Variants in SLC44A2 observed in about 807,000 individuals in gnomAD.
The protein encoded by SLC44A2 is solute carrier family 44 member 2 (CTL2 blood group).
Under a neutral mutation model 90.8 loss-of-function variants are expected in SLC44A2, and 57 were observed. The observed-to-expected ratio is 0.63, with a 90% CI of 0.51 to 0.78. SLC44A2 has a LOEUF of 0.78. Among genes scored for constraint, SLC44A2 ranks in the 30% least tolerant of loss-of-function variants. The pLI is 0.00. For synonymous variants in SLC44A2, 355 were observed against 360.7 expected (o/e 0.98, Z 0.18); for missense variants, 794 against 919.7 (o/e 0.86, Z 1.77).
chr19:10,618,474 CTTTTTT>C (rs3029799), intron 1 of SLC44A2, among the ~76,000 whole-genome samples: 4,104 of 87,168 alleles, frequency 0.047, 289 homozygotes, highest in East Asian at 0.36. Flanking sequence ...TGCGCCCGGC[CTTTTTT>C]TTTTTTTTTT....
At chr19:10,626,899 A>G (rs1372718020) in intron 2 of SLC44A2, among the ~76,000 whole-genome samples, 2 of 150,152 alleles carry the variant, frequency 1.3e-5, no homozygotes, top group Non-Finnish European at 1.5e-5. Context: ...CTCAGAGGCT[A>G]CTCAGAAGGC....
chr19:10,632,405 G>A (rs928882968), intron 10 of SLC44A2, among the ~76,000 whole-genome samples: 4 of 151,692 alleles, frequency 2.6e-5, no homozygotes, highest in African/African-American at 9.7e-5. Context: ...GCATGGAGGT[G>A]CATGCCTGTA....
At chr19:10,619,099 G>C (rs1293781427) in intron 1 of SLC44A2, among the ~76,000 whole-genome samples, 2 of 150,652 alleles carry the variant, frequency 1.3e-5, no homozygotes, top group African/African-American at 4.9e-5. Flanking sequence ...GGCTTCCCCA[G>C]TAGCTGGGAC....
chr19:10,603,602 G>A (rs1918022387), intron 1 of SLC44A2, among the ~76,000 whole-genome samples: 1 of 152,240 alleles, frequency 6.6e-6, no homozygotes, highest in African/African-American at 2.4e-5. Flanking sequence ...AGACAGATCA[G>A]GGAGGCTGGG....
intron 14 of SLC44A2, 69 bp downstream of exon 14, chr19:10,635,584 T>A (rs1159211893): frequency 2.2e-6 from 3 of 1,381,932 alleles, no homozygotes; most frequent in South Asian, 1.2e-5. Flanking sequence ...AAACCTCTCA[T>A]GTCCACTTGG....
chr19:10,621,438 T>TG (rs1203964688), upstream of SLC44A2, among the ~76,000 whole-genome samples: 27 of 141,280 alleles, frequency 1.9e-4, no homozygotes, highest in Admixed American at 6.2e-4. Context: ...TTTTTTTTTT[T>TG]TTTGGTTTTT....
chr19:10,619,662 A>G (rs2066882892), intron 1 of SLC44A2, among the ~76,000 whole-genome samples: 2 of 151,774 alleles, frequency 1.3e-5, no homozygotes, highest in African/African-American at 2.4e-5. Flanking sequence ...GTATAAAATT[A>G]GCAAATCTCC....
chr19:10,614,970 C>CAA (rs74464361), intron 1 of SLC44A2, among the ~76,000 whole-genome samples: 1,644 of 62,560 alleles, frequency 0.026, 70 homozygotes, highest in African/African-American at 0.093. Context: ...GACTCCGTCT[C>CAA]AAAAAAAAAA....
chr19:10,627,622 G>T, intron 2 of SLC44A2, 100 bp from the exon 3 acceptor site: 1 of 1,227,632 alleles, frequency 8.1e-7, no homozygotes. Flanking sequence ...AGGAAAATTT[G>T]TCCAAATAAC....
intron 8 of SLC44A2, 40 bp downstream of exon 8, chr19:10,631,789 T>C: frequency 6.2e-7 from 1 of 1,614,074 alleles, no homozygotes; most frequent in South Asian, 1.1e-5. Flanking sequence ...CTCACTTTGC[T>C]GGGTGGGACA....
At chr19:10,633,322 C>G (rs1418695136) in intron 10 of SLC44A2, among the ~76,000 whole-genome samples, 1 of 151,816 alleles carries the variant, frequency 6.6e-6, no homozygotes, top group African/African-American at 2.4e-5. Flanking sequence ...CACCACCATG[C>G]CCGGCTAATT....
upstream of SLC44A2, among the ~76,000 whole-genome samples, chr19:10,621,440 TTGG>T (rs1568446212): frequency 6.9e-6 from 1 of 143,980 alleles, no homozygotes; most frequent in African/African-American, 2.6e-5. Flanking sequence ...TTTTTTTTTT[TTGG>T]TTTTTGTGGG....
rs1347180576 is a variant in SLC44A2, at chr19:10,636,939, A to G, written c.1591+183A>G. 2.4e-5 allele frequency: 15 copies of G among 630,476 alleles called. No homozygotes were observed. The East Asian group carries it at 4.0e-4, about 17-fold the overall frequency. The allele number at this position is 630,476 out of a possible 1,614,324, so 39.1% of individuals were successfully genotyped here. A position where few individuals can be genotyped will look rare whatever the true frequency, so the allele number is the denominator to read the frequency against. Reference sequence around the variant, plus strand: ...GAGTCCTGCGATGGAGGAGCAAACCAGAGAACCTACTGGGTGGAATTCTTG... The same window carrying G: ...GAGTCCTGCGATGGAGGAGCAAACCGGAGAACCTACTGGGTGGAATTCTTG... On this transcript the variant is annotated intron_variant, in intron 16 of 21. Coordinates refer to ENST00000335757, the MANE Select transcript of SLC44A2 (RefSeq NM_020428.4).
rs774527049 is a variant in SLC44A2, at chr19:10,635,521, C to T, written c.1233+6C>T. ...CGAAAACCTGCAACCCAGAGGTGGGCGTCCCCGGGGTGGGGAGGGCAGGTA... is the reference window on the plus strand; with the variant it reads ...CGAAAACCTGCAACCCAGAGGTGGGTGTCCCCGGGGTGGGGAGGGCAGGTA... On this transcript the variant is annotated splice_donor_region_variant and intron_variant, in intron 14 of 21. Transcript: ENST00000335757. 13 of 1,611,692 alleles carry T rather than the reference C, an allele frequency of 8.1e-6. 1 individual carries two copies. The Admixed American group carries it at 1.0e-4, about 13-fold the overall frequency.
At chr19:10,621,043 TAAC>T (rs1305773617), upstream of SLC44A2, among the ~76,000 whole-genome samples, 2 of 151,568 alleles carry the variant, frequency 1.3e-5, no homozygotes, top group Admixed American at 6.6e-5. Context: ...TATTTGATAA[TAAC>T]AACAAAGAGA....
intron 10 of SLC44A2, 150 bp from the exon 11 acceptor site, chr19:10,634,606 G>T: frequency 9.6e-7 from 1 of 1,039,786 alleles, no homozygotes; most frequent in East Asian, 2.5e-5. Context: ...CAGCCATGGG[G>T]AGAGAATGCA....
chr19:10,609,690 C>T (rs1438287918), intron 1 of SLC44A2, among the ~76,000 whole-genome samples: 1 of 152,080 alleles, frequency 6.6e-6, no homozygotes, highest in Non-Finnish European at 1.5e-5. Flanking sequence ...GTCTTGAACT[C>T]CTGGGCTCAA....
chr19:10,636,284 T>C, intron 14 of SLC44A2, 39 bp from the exon 15 acceptor site: 1 of 1,582,974 alleles, frequency 6.3e-7, no homozygotes, highest in Non-Finnish European at 8.6e-7. Flanking sequence ...GAACCCCTGG[T>C]GCCTCTTTTT....
intron 12 of SLC44A2, 41 bp downstream of exon 12, chr19:10,635,114 C>G (rs1264274626): frequency 3.1e-6 from 5 of 1,613,716 alleles, no homozygotes; most frequent in Non-Finnish European, 4.2e-6. Context: ...GGAGCTGTCC[C>G]TAGAGTTGTG....
Sources: gnomAD v4.1 joint callset for allele counts (sites outside exome capture counted in the v4.1 genomes callset) on GRCh38, gnomAD v4.1.1 for gene constraint, MANE v1.5 for transcripts, NCBI Gene and HGNC (gene_info 2026-07-23, HGNC 2026-07-21) for gene names.